The following THSD7B variants were observed in gnomAD, a reference collection of about 807,000 sequenced individuals.
The protein encoded by THSD7B is thrombospondin type-1 domain-containing protein 7B.
In THSD7B, 138 loss-of-function variants were observed where a neutral mutation model predicts 213.6. The observed-to-expected ratio is 0.65, with a 90% CI of 0.56 to 0.74. The LOEUF (loss-of-function observed/expected upper bound fraction) is 0.74, where lower values mean the gene tolerates loss of function less well. Among genes scored for constraint, THSD7B ranks in the 30% least tolerant of loss-of-function variants. The pLI is 0.00. For missense variants in THSD7B, 1,931 were observed against 1,991.5 expected, an observed-to-expected ratio of 0.97 and a Z score of 0.58; for synonymous variants, 742 against 687.0, an observed-to-expected ratio of 1.08 and a Z score of -1.25.
chr2:137,578,644 G>A (rs1403085843), intron 17 of THSD7B, among the ~76,000 whole-genome samples: 5 of 152,122 alleles, frequency 3.3e-5, no homozygotes, highest in Admixed American at 3.3e-4. Flanking sequence ...CAACACATTC[G>A]AATGGAAGAC....
chr2:137,411,507 T>C, intron 13 of THSD7B, 102 bp from the exon 14 acceptor site: 1 of 1,160,604 alleles, frequency 8.6e-7, no homozygotes, highest in East Asian at 2.5e-5. Flanking sequence ...AAAGGCTTTA[T>C]TTTATTTAAT....
intron 17 of THSD7B, among the ~76,000 whole-genome samples, chr2:137,601,634 G>T (rs985371773): frequency 6.6e-6 from 1 of 152,122 alleles, no homozygotes; most frequent in East Asian, 1.9e-4. Flanking sequence ...AGTAACATAT[G>T]ACTGTATGTC....
At chr2:137,159,779 G>A (rs1254990106) in intron 5 of THSD7B, among the ~76,000 whole-genome samples, 3 of 152,306 alleles carry the variant, frequency 2.0e-5, no homozygotes, top group Non-Finnish European at 4.4e-5. Context: ...AGTCGCAGCA[G>A]TAAATTGGTT....
intron 2 of THSD7B, among the ~76,000 whole-genome samples, chr2:136,929,275 G>A (rs1191809264): frequency 6.6e-6 from 1 of 152,122 alleles, no homozygotes; most frequent in Non-Finnish European, 1.5e-5. Flanking sequence ...AAAACAGATG[G>A]TTGCTTTAGT....
intron 1 of THSD7B, among the ~76,000 whole-genome samples, chr2:136,786,202 T>A (rs1387049500): frequency 6.6e-6 from 1 of 152,164 alleles, no homozygotes; most frequent in African/African-American, 2.4e-5. Flanking sequence ...TAGAGATAAC[T>A]ATTTTAACAC....
rs571090023 is a variant in THSD7B at position 137,599,873 on chromosome 2, G to A, written c.3424-16302G>A. ...TATGGAGTGACTTTCCACTGCACAC[G>A]GTTGGGTCATCATTCATGTATCCTT... is the stretch of plus-strand genomic sequence containing the variant. On this transcript the variant is annotated intron_variant, in intron 17 of 27. Transcript: ENST00000409968. Among the ~76,000 whole-genome samples the A allele has an allele frequency of 3.3e-5, 5 of 152,222 alleles. No homozygotes were observed. The South Asian group carries it at 6.2e-4, about 19-fold the overall frequency.
chr2:137,547,193 C>G (rs1049551669), intron 15 of THSD7B, among the ~76,000 whole-genome samples: 1 of 152,048 alleles, frequency 6.6e-6, no homozygotes. Context: ...AATTTTGCTT[C>G]TCACTTTTGC....
chr2:136,955,195 A>G (rs1685104516), intron 2 of THSD7B, among the ~76,000 whole-genome samples: 2 of 152,136 alleles, frequency 1.3e-5, no homozygotes, highest in Non-Finnish European at 1.5e-5. Flanking sequence ...CAGCAATATA[A>G]TTGTGTGCAA....
intron 15 of THSD7B, among the ~76,000 whole-genome samples, chr2:137,555,865 A>C (rs954548802): frequency 6.6e-6 from 1 of 152,236 alleles, no homozygotes; most frequent in Non-Finnish European, 1.5e-5. Flanking sequence ...CATGGAGCTG[A>C]AAACCATGGC....
chr2:137,668,158 A>G (rs998288), intron 27 of THSD7B, among the ~76,000 whole-genome samples: 54,697 of 152,026 alleles, frequency 0.36, 10,895 homozygotes, highest in Non-Finnish European at 0.46. Flanking sequence ...GATGTCTCCT[A>G]GGGAATCAGG....
intron 12 of THSD7B, among the ~76,000 whole-genome samples, chr2:137,375,351 T>G (rs1415979499): frequency 1.3e-5 from 2 of 152,176 alleles, no homozygotes; most frequent in African/African-American, 4.8e-5. Flanking sequence ...CAAATTCAGC[T>G]TCACATAAGC....
chr2:137,579,086 G>A (rs1681522211), intron 17 of THSD7B, among the ~76,000 whole-genome samples: 1 of 152,144 alleles, frequency 6.6e-6, no homozygotes, highest in African/African-American at 2.4e-5. Flanking sequence ...GGACAAAATA[G>A]AAAACATATT....
intron 2 of THSD7B, among the ~76,000 whole-genome samples, chr2:136,933,108 A>ATTCATTCCTTCCTTCC (rs1332713279): frequency 1.5e-4 from 19 of 130,776 alleles, no homozygotes; most frequent in African/African-American, 4.6e-4. Flanking sequence ...TTTGCCCGCC[A>ATTCATTCCTTCCTTCC]TTCCTTCCTT....
intron 7 of THSD7B, among the ~76,000 whole-genome samples, chr2:137,228,141 C>G (rs1447694354): frequency 3.4e-5 from 2 of 59,592 alleles, no homozygotes; most frequent in South Asian, 8.0e-4. Context: ...CCTCACTGTG[C>G]AGCTGTTTTT....
At chr2:137,201,709 T>A (rs1315249547) in intron 7 of THSD7B, among the ~76,000 whole-genome samples, 2 of 152,176 alleles carry the variant, frequency 1.3e-5, no homozygotes. Context: ...TTCTCCAAAG[T>A]GGCTGTGCCA....
rs180754702 is a variant in THSD7B at position 137,377,802 on chromosome 2, T to A, written c.2501-27811T>A. On this transcript the variant is annotated intron_variant, in intron 12 of 27. Coordinates refer to ENST00000409968, the MANE Select transcript of THSD7B (RefSeq NM_001316349.2). Reference sequence around the variant, plus strand: ...CCACCATGCCTGGCTAATTTTTGTGTCTTTAGTAGAGACAGGGTTTCACCA... The same window carrying A: ...CCACCATGCCTGGCTAATTTTTGTGACTTTAGTAGAGACAGGGTTTCACCA... Among the ~76,000 whole-genome samples the A allele has an allele frequency of 3.2e-4, 49 of 152,102 alleles. No homozygotes were observed. The East Asian group carries it at 9.3e-3, about 29-fold the overall frequency.
intron 1 of THSD7B, among the ~76,000 whole-genome samples, chr2:136,831,510 T>G (rs13009718): frequency 0.14 from 21,709 of 152,226 alleles, 2,227 homozygotes; most frequent in Non-Finnish European, 0.22. Flanking sequence ...TAGCTAACCT[T>G]TAAGTACACA....
At chr2:137,012,774 C>T (rs1686254931) in intron 2 of THSD7B, among the ~76,000 whole-genome samples, 1 of 152,352 alleles carries the variant, frequency 6.6e-6, no homozygotes, top group East Asian at 1.9e-4. Context: ...CATCCTTCTA[C>T]TTTTATTTGT....
intron 3 of THSD7B, among the ~76,000 whole-genome samples, chr2:137,078,249 T>C (rs1687671484): frequency 6.6e-6 from 1 of 152,216 alleles, no homozygotes; most frequent in South Asian, 2.1e-4. Flanking sequence ...TAGTTTGAAG[T>C]CAGATAGCGT....
Sources: allele counts gnomAD v4.1 joint callset (sites outside exome capture counted in the v4.1 genomes callset), GRCh38; gene constraint gnomAD v4.1.1; transcripts MANE v1.5; gene names NCBI Gene and HGNC (gene_info 2026-07-23, HGNC 2026-07-21).